The following CCDC146 variants were observed in gnomAD, a reference collection of about 807,000 sequenced individuals.
CCDC146 encodes coiled-coil domain-containing protein 146.
Under a neutral mutation model 119.3 loss-of-function variants are expected in CCDC146, and 92 were observed. The ratio of observed to expected loss-of-function variants is 0.77; its 90% CI spans 0.65 to 0.92. CCDC146 has a LOEUF of 0.92. CCDC146 is among the 40% of genes least tolerant of loss of function. CCDC146 has a pLI of 0.00. For synonymous variants in CCDC146, 372 were observed against 371.8 expected (o/e 1.00, Z -0.01); for missense variants, 1,000 against 1,103.0 (o/e 0.91, Z 1.32).
At chr7:77,198,311 G>A (rs1040654188) in intron 2 of CCDC146, 11 of 985,222 alleles carry the variant, frequency 1.1e-5, no homozygotes, top group African/African-American at 1.0e-4. Flanking sequence ...TCAACCTCAC[G>A]TTCATGGTAA....
In CCDC146 at chr7:77,208,067, C is replaced by T. The variant is rs187392967; in HGVS notation, c.157-28880C>T. Among the ~76,000 whole-genome samples, 865 of 152,250 alleles carry T rather than the reference C, an allele frequency of 5.7e-3. 4 individuals carry two copies. The highest frequency in any genetic ancestry group is 0.027 in the Middle Eastern group (8 of 294). On this transcript the variant is annotated intron_variant, in intron 2 of 18. Transcript: ENST00000285871. Reference sequence around the variant, plus strand: ...GTAGATGAATGCATTTCAAGCCAGACCCAGCCTTGGGCACAGGCAACATGT... The same window carrying T: ...GTAGATGAATGCATTTCAAGCCAGATCCAGCCTTGGGCACAGGCAACATGT...
intron 2 of CCDC146, chr7:77,199,178 T>C (rs1310107280): frequency 6.2e-7 from 1 of 1,611,270 alleles, no homozygotes. Flanking sequence ...TTATTATACA[T>C]ACCTGGACGT....
intron 11 of CCDC146, among the ~76,000 whole-genome samples, chr7:77,278,055 C>A (rs1793683175): frequency 1.3e-5 from 2 of 152,150 alleles, no homozygotes; most frequent in Non-Finnish European, 2.9e-5. Flanking sequence ...TAGGAAAACA[C>A]CCCACATACA....
intron 1 of CCDC146, among the ~76,000 whole-genome samples, chr7:77,161,383 A>C (rs1351255977): frequency 6.6e-6 from 1 of 151,862 alleles, no homozygotes; most frequent in Admixed American, 6.6e-5. Context: ...ACTTGGAACC[A>C]ACCCAAATGT....
At chr7:77,138,266 A>T (rs1246366133) in intron 1 of CCDC146, among the ~76,000 whole-genome samples, 2 of 149,932 alleles carry the variant, frequency 1.3e-5, no homozygotes, top group African/African-American at 4.9e-5. Context: ...TATTTTCAAC[A>T]AATGGTGCTG....
At chr7:77,124,414 A>G (rs1790665916) in intron 1 of CCDC146, among the ~76,000 whole-genome samples, 1 of 152,248 alleles carries the variant, frequency 6.6e-6, no homozygotes, top group Admixed American at 6.5e-5. Context: ...ATGACATTAT[A>G]ATTGTCAAAC....
At chr7:77,204,884 T>G (rs1047711637) in intron 2 of CCDC146, among the ~76,000 whole-genome samples, 2 of 152,162 alleles carry the variant, frequency 1.3e-5, no homozygotes, top group Admixed American at 6.5e-5. Context: ...TTTGGGAAAC[T>G]GAAGTGGGAG....
At chr7:77,128,795 G>A (rs1790743820) in intron 1 of CCDC146, among the ~76,000 whole-genome samples, 1 of 152,124 alleles carries the variant, frequency 6.6e-6, no homozygotes, top group Non-Finnish European at 1.5e-5. Context: ...GGGGAATCCC[G>A]ATACTCTTTC....
At chr7:77,266,385 C>T (rs1793402800) in intron 9 of CCDC146, among the ~76,000 whole-genome samples, 1 of 152,164 alleles carries the variant, frequency 6.6e-6, no homozygotes, top group South Asian at 2.1e-4. Context: ...AAGAGCTTCA[C>T]CTTTGAGTCA....
At chr7:77,283,897 G>GT (rs1343332809) in intron 15 of CCDC146, among the ~76,000 whole-genome samples, 2 of 152,044 alleles carry the variant, frequency 1.3e-5, no homozygotes, top group Non-Finnish European at 2.9e-5. Flanking sequence ...AAGTTTGTTT[G>GT]TTTTTTTAAT....
chr7:77,155,577 C>A (rs1185046485), intron 1 of CCDC146, among the ~76,000 whole-genome samples: 2 of 152,034 alleles, frequency 1.3e-5, no homozygotes, highest in Non-Finnish European at 2.9e-5. Context: ...TACTGCCAAT[C>A]CTTGCTGTGT....
intron 1 of CCDC146, among the ~76,000 whole-genome samples, chr7:77,147,547 A>G (rs936132731): frequency 6.6e-6 from 1 of 151,862 alleles, no homozygotes; most frequent in Non-Finnish European, 1.5e-5. Flanking sequence ...GGTTTTATCT[A>G]CCTTTGGTCT....
chr7:77,242,307 C>T lies in CCDC146; in HGVS notation c.449+407C>T, dbSNP rs933616613. ...CCCCACATGCATTTTCCAAACAAGC[C>T]TCCATGAGCTGAGGGTCACATGTCA... On this transcript the variant is annotated intron_variant, in intron 4 of 18. Coordinates refer to ENST00000285871, the MANE Select transcript of CCDC146 (RefSeq NM_020879.3). 3.5e-5 allele frequency: 30 copies of T among 857,796 alleles called. No individual in the cohort carries two copies. The South Asian group carries it at 1.3e-3, about 37-fold the overall frequency. The allele number at this position is 857,796 out of a possible 1,614,324, so 53.1% of individuals were successfully genotyped here.
intron 1 of CCDC146, among the ~76,000 whole-genome samples, chr7:77,161,432 A>G (rs1791259532): frequency 6.6e-6 from 1 of 151,998 alleles, no homozygotes; most frequent in East Asian, 1.9e-4. Context: ...TGTGGCACAT[A>G]TACACCATGG....
At chr7:77,191,005 C>T (rs1371178661) in intron 2 of CCDC146, among the ~76,000 whole-genome samples, 1 of 152,092 alleles carries the variant, frequency 6.6e-6, no homozygotes, top group Non-Finnish European at 1.5e-5. Context: ...TGTGACATGT[C>T]CCCACAGGCA....
chr7:77,159,355 A>G (rs1320650129), intron 1 of CCDC146, among the ~76,000 whole-genome samples: 2 of 152,152 alleles, frequency 1.3e-5, no homozygotes, highest in African/African-American at 4.8e-5. Flanking sequence ...CTCTGCTTCT[A>G]TGAGTTTGAC....
intron 2 of CCDC146, among the ~76,000 whole-genome samples, chr7:77,193,030 T>A (rs1791800185): frequency 6.6e-6 from 1 of 152,156 alleles, no homozygotes; most frequent in South Asian, 2.1e-4. Flanking sequence ...ACAATCCCCC[T>A]GGTAGGGATG....
intron 4 of CCDC146, among the ~76,000 whole-genome samples, chr7:77,251,036 T>C (rs1479263201): frequency 1.3e-5 from 2 of 150,928 alleles, no homozygotes; most frequent in East Asian, 1.9e-4. Context: ...TTTGGTTGTT[T>C]GTTTTTGAGA....
intron 5 of CCDC146, among the ~76,000 whole-genome samples, chr7:77,255,012 C>T (rs1007799326): frequency 1.3e-5 from 2 of 152,088 alleles, no homozygotes; most frequent in Non-Finnish European, 2.9e-5. Context: ...TTCACAGTTC[C>T]GAATATTCTG....
Sources: gnomAD v4.1 joint callset for allele counts (sites outside exome capture counted in the v4.1 genomes callset) on GRCh38, gnomAD v4.1.1 for gene constraint, MANE v1.5 for transcripts, NCBI Gene and HGNC (gene_info 2026-07-23, HGNC 2026-07-21) for gene names.